The following RERE variants were observed in gnomAD, a reference collection of about 807,000 sequenced individuals.
RERE encodes the protein arginine-glutamic acid dipeptide repeats.
RERE carries 40 observed loss-of-function variants against 146.1 expected under a neutral mutation model. The ratio of observed to expected loss-of-function variants is 0.27; its 90% CI spans 0.21 to 0.36. The LOEUF (loss-of-function observed/expected upper bound fraction) is 0.36, where lower values mean the gene tolerates loss of function less well. Among genes scored for constraint, RERE ranks in the 10% least tolerant of loss-of-function variants. The pLI, the probability that RERE is intolerant of heterozygous loss-of-function variation, is 1.00. For missense variants in RERE, 1,933 were observed against 2,138.7 expected (o/e 0.90, Z 1.90); for synonymous variants, 1,003 against 866.0 (o/e 1.16, Z -2.78).
At chr1:8,604,764 CA>C (rs35416377) in intron 4 of RERE, among the ~76,000 whole-genome samples, 2 of 148,656 alleles carry the variant, frequency 1.3e-5, no homozygotes, top group African/African-American at 5.0e-5. Context: ...ACGAACTTGC[CA>C]AAAAAAAACC....
At chr1:8,473,129 C>T (rs1644710350) in intron 10 of RERE, among the ~76,000 whole-genome samples, 1 of 152,162 alleles carries the variant, frequency 6.6e-6, no homozygotes, top group African/African-American at 2.4e-5. Flanking sequence ...TCTGGGTGTG[C>T]TCCATGGAAT....
At chr1:8,728,625 C>A (rs549141887) in intron 1 of RERE, among the ~76,000 whole-genome samples, 1 of 152,200 alleles carries the variant, frequency 6.6e-6, no homozygotes, top group African/African-American at 2.4e-5. Flanking sequence ...ACGGAATTTT[C>A]TCTAGGCACC....
At chr1:8,478,004 A>C (rs2124170363) in intron 10 of RERE, among the ~76,000 whole-genome samples, 1 of 152,362 alleles carries the variant, frequency 6.6e-6, no homozygotes, top group South Asian at 2.1e-4. Flanking sequence ...CTGGGCAACC[A>C]AAACAGTGTC....
chr1:8,486,542 T>C (rs777872956), intron 10 of RERE, among the ~76,000 whole-genome samples: 11 of 152,004 alleles, frequency 7.2e-5, no homozygotes, highest in Non-Finnish European at 1.5e-5. Flanking sequence ...AAATCAGCTA[T>C]TTAACATCCC....
chr1:8,795,821 A>G (rs1399664398), intron 1 of RERE, among the ~76,000 whole-genome samples: 2 of 152,104 alleles, frequency 1.3e-5, no homozygotes, highest in Non-Finnish European at 2.9e-5. Context: ...CGTCTCTACC[A>G]AAAATACAAA....
chr1:8,654,871 A>G (rs1638235309), intron 2 of RERE, among the ~76,000 whole-genome samples: 1 of 151,904 alleles, frequency 6.6e-6, no homozygotes, highest in South Asian at 2.1e-4. Context: ...TCCTGAGCTC[A>G]AGCAATCCTT....
Position 8,607,534 on chromosome 1 carries a change from C to CTTTTTTTTTTTTTTTTTTTTTTTTTT in RERE, c.522+7001_522+7026dup, listed in dbSNP as rs1167501074. Among the ~76,000 whole-genome samples the CTTTTTTTTTTTTTTTTTTTTTTTTTT allele has an allele frequency of 3.7e-4, 18 of 48,584 alleles. 4 individuals carry two copies. Among genetic ancestry groups the CTTTTTTTTTTTTTTTTTTTTTTTTTT allele is most frequent in the African/African-American group, 8.6e-4 (10 of 11,664 alleles). 31.9% of individuals were successfully genotyped at this position (48,584 alleles called of 152,430 possible). On this transcript the variant is annotated intron_variant, in intron 4 of 22. Transcript: ENST00000400908. Reference sequence around the variant, plus strand: ...CGCATATTTGTTTTTATATATATTTCTTTTTTTTTTTTTTTTTTTTTTTTT... The same window carrying CTTTTTTTTTTTTTTTTTTTTTTTTTT: ...CGCATATTTGTTTTTATATATATTTCTTTTTTTTTTTTTTTTTTTTTTTTTTTTTTTTTTTTTTTTTTTTTTTTTTT...
chr1:8,550,556 GT>G (rs1012260787), intron 6 of RERE, among the ~76,000 whole-genome samples: 1 of 151,404 alleles, frequency 6.6e-6, no homozygotes, highest in Non-Finnish European at 1.5e-5. Flanking sequence ...GTTGTTTTTT[GT>G]TTTTTTTGAG....
chr1:8,661,828 A>G (rs772661455), intron 1 of RERE, among the ~76,000 whole-genome samples: 1 of 152,162 alleles, frequency 6.6e-6, no homozygotes, highest in Non-Finnish European at 1.5e-5. Flanking sequence ...GGCTGGAGAT[A>G]ATAATTTAGT....
chr1:8,805,003 TTTTGG>T (rs1641658967), intron 1 of RERE, among the ~76,000 whole-genome samples: 8 of 108,532 alleles, frequency 7.4e-5, no homozygotes, highest in East Asian at 4.1e-4. Flanking sequence ...TTTGTTTTGT[TTTTGG>T]TTTTTTTTTT....
intron 12 of RERE, among the ~76,000 whole-genome samples, chr1:8,371,184 T>C (rs1158915404): frequency 2.0e-5 from 3 of 152,190 alleles, no homozygotes; most frequent in Admixed American, 1.3e-4. Flanking sequence ...CTCAAATCCA[T>C]TGGGCTATAT....
chr1:8,363,606 C>CA (rs1426317743), intron 15 of RERE: 1 of 167,498 alleles, frequency 6.0e-6, no homozygotes, highest in Admixed American at 5.7e-5. Flanking sequence ...ACCTAGGAAA[C>CA]AAAGTCTCTT....
intron 1 of RERE, among the ~76,000 whole-genome samples, chr1:8,705,253 A>G (rs1296287235): frequency 6.6e-6 from 1 of 152,176 alleles, no homozygotes; most frequent in African/African-American, 2.4e-5. Context: ...ACAGCATTTT[A>G]TGCCACTCAA....
At chr1:8,479,543 T>C (rs1264742848) in intron 10 of RERE, among the ~76,000 whole-genome samples, 1 of 151,932 alleles carries the variant, frequency 6.6e-6, no homozygotes, top group Non-Finnish European at 1.5e-5. Context: ...GACAAGTACT[T>C]ATAAAAGAGA....
Position 8,360,160 on chromosome 1 carries a change from G to T in RERE, c.3347C>A (p.Pro1116Gln). ...GGGGGTGTCCACCACAGTGGGCTCC[G>T]GGGACGGGCTCCTTGGTGGGGGAGG... Reference protein sequence around the residue: ...SPPPPPRSPSPEPTVVDTPSH... With the variant: ...SPPPPPRSPSQEPTVVDTPSH... Residue 1116 changes from proline (P) to glutamine (Q), a missense_variant, in exon 18 of 23, where the codon CCG (proline) becomes CAG (glutamine). Physicochemically the swap from Pro to Gln is moderately conservative, Grantham distance 76. Coordinates refer to ENST00000400908, the MANE Select transcript of RERE (RefSeq NM_001042681.2). The T allele has an allele frequency of 1.3e-6, 2 of 1,598,404 alleles. No homozygotes were observed. Among genetic ancestry groups the T allele is most frequent in the East Asian group, 2.2e-5 (1 of 44,534 alleles).
At chr1:8,380,840 C>T (rs1055670972) in intron 12 of RERE, 9 of 456,610 alleles carry the variant, frequency 2.0e-5, no homozygotes, top group Non-Finnish European at 3.5e-5. Context: ...CAGAGAGGGG[C>T]GTTCCAGAGC....
At chr1:8,500,171 G>A (rs1645110797) in intron 8 of RERE, among the ~76,000 whole-genome samples, 1 of 152,038 alleles carries the variant, frequency 6.6e-6, no homozygotes, top group Non-Finnish European at 1.5e-5. Flanking sequence ...AACAAATGTT[G>A]GAGTCAAAAG....
At chr1:8,519,517 T>C (rs1416651089) in intron 7 of RERE, among the ~76,000 whole-genome samples, 1 of 152,228 alleles carries the variant, frequency 6.6e-6, no homozygotes, top group Non-Finnish European at 1.5e-5. Flanking sequence ...AATTCCTTAG[T>C]TTCCTCATCT....
intron 6 of RERE, among the ~76,000 whole-genome samples, chr1:8,546,892 G>A (rs775426794): frequency 2.6e-5 from 4 of 150,992 alleles, no homozygotes; most frequent in Non-Finnish European, 4.4e-5. Flanking sequence ...TATTAGCTTA[G>A]GGGGAAAAAG....
Sources: allele counts gnomAD v4.1 joint callset (sites outside exome capture counted in the v4.1 genomes callset), GRCh38; gene constraint gnomAD v4.1.1; transcripts MANE v1.5; gene names NCBI Gene and HGNC (gene_info 2026-07-23, HGNC 2026-07-21).